NOS1: variants seen among roughly 807,000 people sequenced by gnomAD.
NOS1 encodes NOS type I.
A neutral mutation model predicts 164.5 loss-of-function variants in NOS1; 51 were observed. The observed-to-expected ratio is 0.31, with a 90% CI of 0.25 to 0.39. NOS1 has a LOEUF of 0.39. NOS1 is among the 10% of genes least tolerant of loss of function. The pLI is 1.00. For missense variants in NOS1, 1,362 were observed against 1,885.6 expected (o/e 0.72, Z 5.14); for synonymous variants, 719 against 745.8 (o/e 0.96, Z 0.59).
intron 2 of NOS1, among the ~76,000 whole-genome samples, chr12:117,322,234 TCCTCCCTCCTTCCTTC>T (rs1426432965): frequency 6.3e-5 from 3 of 47,552 alleles, no homozygotes; most frequent in Non-Finnish European, 1.5e-4. Flanking sequence ...TTCCTTCCCT[TCCTCCCTCCTTCCTTC>T]CCTCCCTCCT....
chr12:117,226,894 G>T, intron 23 of NOS1, 124 bp from the exon 24 acceptor site: 2 of 734,896 alleles, frequency 2.7e-6, no homozygotes, highest in Non-Finnish European at 4.7e-6. Flanking sequence ...TCCTCCCCAG[G>T]ATCCCTTCCT....
chr12:117,298,857 T>C (rs1194359218), intron 3 of NOS1, among the ~76,000 whole-genome samples: 1 of 152,232 alleles, frequency 6.6e-6, no homozygotes, highest in Non-Finnish European at 1.5e-5. Context: ...TGGTGTTTTA[T>C]TACAGCAGCC....
intron 7 of NOS1, among the ~76,000 whole-genome samples, chr12:117,281,253 G>A (rs893668574): frequency 1.3e-5 from 2 of 152,194 alleles, no homozygotes; most frequent in African/African-American, 4.8e-5. Context: ...CGGGCGCGGT[G>A]GCTCATGCCT....
intron 2 of NOS1, among the ~76,000 whole-genome samples, chr12:117,326,915 G>C (rs1219931873): frequency 3.3e-5 from 5 of 152,184 alleles, no homozygotes; most frequent in African/African-American, 9.7e-5. Flanking sequence ...CTGTCGGCTG[G>C]GGGAGAGGAT....
rs563569693 is a variant in NOS1 at position 117,357,671 on chromosome 12, T to C, written c.-421+3841A>G. On this transcript the variant is annotated intron_variant, in intron 1 of 28. Coordinates refer to ENST00000317775, the MANE Select transcript of NOS1 (RefSeq NM_000620.5). ...GCAACCTTGTTAAAAATAGAGATAT[T>C]TCCAGTCTCCCCCAGGAATGCTGAT... is the stretch of plus-strand genomic sequence containing the variant. Among the ~76,000 whole-genome samples the C allele has an allele frequency of 7.2e-5, 11 of 152,290 alleles. 1 individual carries two copies. In the South Asian group the frequency reaches 1.9e-3, roughly 26 times the overall value.
intron 8 of NOS1, 111 bp downstream of exon 8, chr12:117,280,606 AGAGTAAAT>A (rs1437686125): frequency 9.8e-7 from 1 of 1,019,844 alleles, no homozygotes; most frequent in African/African-American, 1.6e-5. Context: ...GGTTTGGAGA[AGAGTAAAT>A]GACCCCATCA....
intron 1 of NOS1, among the ~76,000 whole-genome samples, chr12:117,354,962 ATT>A (rs1876792622): frequency 6.6e-6 from 1 of 152,238 alleles, no homozygotes; most frequent in African/African-American, 2.4e-5. Flanking sequence ...AATTCACAAT[ATT>A]CCTTCTTCAT....
chr12:117,355,424 T>A (rs1276357908), intron 1 of NOS1, among the ~76,000 whole-genome samples: 1 of 152,194 alleles, frequency 6.6e-6, no homozygotes, highest in Non-Finnish European at 1.5e-5. Flanking sequence ...TGAAAAGGTC[T>A]TTGTGGGAAG....
chr12:117,338,021 C>G (rs1034651367), intron 1 of NOS1, among the ~76,000 whole-genome samples: 2 of 152,070 alleles, frequency 1.3e-5, no homozygotes, highest in South Asian at 4.1e-4. Context: ...TCAAGACCAG[C>G]CTGGCCAACA....
rs189679976 is a variant in NOS1, at chr12:117,303,603, G to A, written c.852+7863C>T. The stretch of plus-strand genomic sequence containing the variant: ...ATGAAAACACCACTTCCCAGGTCCG[G>A]CCCCGTCCCCACTCGAACCTCGTAC... On this transcript the variant is annotated intron_variant, in intron 3 of 28. Transcript: ENST00000317775. 8.5e-5 allele frequency among the ~76,000 whole-genome samples: 13 copies of A among 152,244 alleles called. No homozygotes were observed. In the East Asian group the frequency reaches 2.5e-3, roughly 29 times the overall value.
At chr12:117,343,414 C>T (rs1490416970) in intron 1 of NOS1, among the ~76,000 whole-genome samples, 3 of 152,274 alleles carry the variant, frequency 2.0e-5, no homozygotes, top group South Asian at 2.1e-4. Flanking sequence ...TTCCTAATAA[C>T]GTCATTTCCA....
chr12:117,318,801 G>A (rs1383435560), intron 2 of NOS1, among the ~76,000 whole-genome samples: 1 of 152,212 alleles, frequency 6.6e-6, no homozygotes, highest in Non-Finnish European at 1.5e-5. Flanking sequence ...CCGCCGAGGA[G>A]CAGCTGGTGC....
At position 117,214,896 on chromosome 12, in the gene NOS1, A is replaced by T; in HGVS notation, c.*413T>A. 3 of 1,002,434 alleles carry T rather than the reference A, an allele frequency of 3.0e-6. No homozygotes were observed. Among genetic ancestry groups the T allele is most frequent in the Non-Finnish European group, 3.6e-6 (3 of 841,472 alleles). 62.1% of individuals were successfully genotyped at this position (1,002,434 alleles called of 1,614,324 possible). On this transcript the variant is annotated 3_prime_UTR_variant, in exon 29 of 29. Transcript: ENST00000317775. ...ACGCACAACCAAAATGTCATCATAAAAAAGGAGAAAGGGGGACTTCAGTGG... is the reference window on the plus strand; with the variant it reads ...ACGCACAACCAAAATGTCATCATAATAAAGGAGAAAGGGGGACTTCAGTGG...
chr12:117,214,387 A>G lies in NOS1; in HGVS notation c.*922T>C, dbSNP rs1312597947. 7 of 985,296 alleles carry G rather than the reference A, an allele frequency of 7.1e-6. No homozygotes were observed. The highest frequency in any genetic ancestry group is 6.0e-6 in the Non-Finnish European group (5 of 829,958). 61.0% of individuals were successfully genotyped at this position (985,296 alleles called of 1,614,324 possible). On this transcript the variant is annotated 3_prime_UTR_variant, in exon 29 of 29. Transcript: ENST00000317775. ...TTGCCACCAGGCTTCTTTGAACAACATAACTTCCAGGCCCCTTGGATGCTA... is the reference window on the plus strand; with the variant it reads ...TTGCCACCAGGCTTCTTTGAACAACGTAACTTCCAGGCCCCTTGGATGCTA...
At chr12:117,251,145 A>C (rs951483879) in intron 17 of NOS1, among the ~76,000 whole-genome samples, 5 of 152,134 alleles carry the variant, frequency 3.3e-5, no homozygotes, top group African/African-American at 1.2e-4. Flanking sequence ...CTGCCATGTA[A>C]GGACACAGCT....
At chr12:117,229,183 C>A (rs1868970513) in intron 22 of NOS1, among the ~76,000 whole-genome samples, 1 of 152,216 alleles carries the variant, frequency 6.6e-6, no homozygotes, top group Non-Finnish European at 1.5e-5. Flanking sequence ...ACCAAGAGCC[C>A]TGGCCTCTCA....
Position 117,213,242 on chromosome 12 carries a change from G to A in NOS1, c.*2067C>T, listed in dbSNP as rs1956554743. 3.0e-6 allele frequency: 3 copies of A among 985,460 alleles called. No homozygotes were observed. The highest frequency in any genetic ancestry group is 3.6e-6 in the Non-Finnish European group (3 of 829,948). 61.0% of individuals were successfully genotyped at this position (985,460 alleles called of 1,614,324 possible). A position where few individuals can be genotyped will look rare whatever the true frequency, so the allele number is the denominator to read the frequency against. ...CAGTTTCCTTCCCTGGGGAATTGGG[G>A]AGGCGTCTCCAAAGCTATAAAGGAT... is the stretch of plus-strand genomic sequence containing the variant. On this transcript the variant is annotated 3_prime_UTR_variant, in exon 29 of 29. Coordinates refer to ENST00000317775, the MANE Select transcript of NOS1 (RefSeq NM_000620.5).
intron 17 of NOS1, 108 bp downstream of exon 17, chr12:117,253,530 T>C: frequency 2.7e-6 from 2 of 744,546 alleles, no homozygotes; most frequent in Non-Finnish European, 4.6e-6. Context: ...TTATGAGAAA[T>C]GAATGGACAC....
intron 11 of NOS1, among the ~76,000 whole-genome samples, chr12:117,266,177 T>A (rs1390319351): frequency 6.6e-6 from 1 of 152,048 alleles, no homozygotes. Context: ...AGTTCTTTAG[T>A]GGTGATTTGT....
Sources: gnomAD v4.1 joint callset for allele counts (sites outside exome capture counted in the v4.1 genomes callset) on GRCh38, gnomAD v4.1.1 for gene constraint, MANE v1.5 for transcripts, NCBI Gene and HGNC (gene_info 2026-07-23, HGNC 2026-07-21) for gene names.